Variants in DLG2 observed in about 807,000 individuals in gnomAD.
DLG2 encodes the protein disks large homolog 2.
A neutral mutation model predicts 132.5 loss-of-function variants in DLG2; 45 were observed. The observed-to-expected ratio is 0.34, with a 90% CI of 0.27 to 0.44. The LOEUF is 0.44. Among genes scored for constraint, DLG2 ranks in the 20% least tolerant of loss-of-function variants. The probability of loss-of-function intolerance (pLI) is 1.00; values close to 1 mark genes in which losing one functional copy is unlikely to be tolerated. For synonymous variants in DLG2, 424 were observed against 419.6 expected, an observed-to-expected ratio of 1.01 and a Z score of -0.13; for missense variants, 1,045 against 1,196.9, an observed-to-expected ratio of 0.87 and a Z score of 1.87.
rs138427572 is a variant in DLG2 at position 83,697,861 on chromosome 11, T to C, written c.1826-64536A>G. Reference sequence around the variant, plus strand: ...TATTGAGATACCAGCTGGTAAGAATTATGACATTTACTTTAAAATCTTTGG... The same window carrying C: ...TATTGAGATACCAGCTGGTAAGAATCATGACATTTACTTTAAAATCTTTGG... On this transcript the variant is annotated intron_variant, in intron 18 of 27. Coordinates refer to ENST00000376104, the MANE Select transcript of DLG2 (RefSeq NM_001142699.3). Among the ~76,000 whole-genome samples, 645 of 152,318 alleles carry C rather than the reference T, an allele frequency of 4.2e-3. 4 individuals carry two copies. Among genetic ancestry groups the C allele is most frequent in the African/African-American group, 0.013 (535 of 41,582 alleles).
chr11:84,166,964 T>C (rs1321803787), intron 8 of DLG2: 5 of 533,318 alleles, frequency 9.4e-6, no homozygotes, highest in African/African-American at 5.8e-5. Flanking sequence ...ACCTTGGTCA[T>C]ATTTTATGCT....
chr11:85,546,173 A>C (rs2076311592), intron 3 of DLG2, among the ~76,000 whole-genome samples: 1 of 152,172 alleles, frequency 6.6e-6, no homozygotes, highest in South Asian at 2.1e-4. Flanking sequence ...TGTGTCCCAG[A>C]GATTCTGCTA....
chr11:83,692,147 C>G (rs532642051), intron 18 of DLG2: 1 of 152,208 alleles, frequency 6.6e-6, no homozygotes, highest in Non-Finnish European at 1.5e-5. Context: ...AGTAAAGGAG[C>G]CTGTTATAAA....
At chr11:84,898,113 T>C (rs558729974) in intron 6 of DLG2, among the ~76,000 whole-genome samples, 1 of 151,944 alleles carries the variant, frequency 6.6e-6, no homozygotes, top group Admixed American at 6.6e-5. Context: ...ACAATAAAAA[T>C]GGTCACTTTA....
At chr11:85,425,154 T>G (rs2090616389) in intron 3 of DLG2, among the ~76,000 whole-genome samples, 1 of 152,322 alleles carries the variant, frequency 6.6e-6, no homozygotes, top group East Asian at 1.9e-4. Flanking sequence ...CCAGGTCTTC[T>G]GATAGATGTT....
intron 6 of DLG2, among the ~76,000 whole-genome samples, chr11:84,602,698 G>C (rs1164576987): frequency 1.3e-5 from 2 of 151,872 alleles, no homozygotes; most frequent in Admixed American, 6.6e-5. Context: ...TGATCACCTT[G>C]GGGCTCTGGA....
intron 5 of DLG2, among the ~76,000 whole-genome samples, chr11:85,139,124 C>T (rs1214913563): frequency 6.6e-6 from 1 of 152,116 alleles, no homozygotes; most frequent in Non-Finnish European, 1.5e-5. Flanking sequence ...TTCTCCATTA[C>T]ATCATCCCAG....
At chr11:83,857,875 A>G (rs765652727) in intron 16 of DLG2, among the ~76,000 whole-genome samples, 1 of 152,136 alleles carries the variant, frequency 6.6e-6, no homozygotes, top group Non-Finnish European at 1.5e-5. Flanking sequence ...TCTATTAAAA[A>G]GTGGTTAATG....
At chr11:84,673,933 T>C (rs1024826382) in intron 6 of DLG2, among the ~76,000 whole-genome samples, 1 of 152,144 alleles carries the variant, frequency 6.6e-6, no homozygotes, top group Non-Finnish European at 1.5e-5. Flanking sequence ...GTCTTCTGAA[T>C]AGGAGTAACA....
chr11:85,335,144 G>A (rs139860606), intron 3 of DLG2, among the ~76,000 whole-genome samples: 80 of 152,026 alleles, frequency 5.3e-4, no homozygotes, highest in South Asian at 2.1e-3. Context: ...AAGTCTTCTC[G>A]TTGAATTGAA....
chr11:83,910,979 G>T (rs1348697161), intron 15 of DLG2, among the ~76,000 whole-genome samples: 1 of 152,092 alleles, frequency 6.6e-6, no homozygotes, highest in Non-Finnish European at 1.5e-5. Context: ...TGAATGATTT[G>T]CCGATTACAC....
chr11:84,854,628 A>T (rs1190644197), intron 6 of DLG2, among the ~76,000 whole-genome samples: 2 of 152,022 alleles, frequency 1.3e-5, no homozygotes, highest in Non-Finnish European at 2.9e-5. Context: ...GGGGAATTCC[A>T]GTGAGAGCCA....
chr11:85,089,127 T>A (rs1161592424), intron 6 of DLG2, among the ~76,000 whole-genome samples: 1 of 152,210 alleles, frequency 6.6e-6, no homozygotes, highest in Admixed American at 6.5e-5. Flanking sequence ...CTTCTAATTT[T>A]TTTTTTCAAT....
At chr11:83,790,408 T>A (rs2041217326) in intron 17 of DLG2, 2 of 1,013,754 alleles carry the variant, frequency 2.0e-6, no homozygotes, top group Non-Finnish European at 3.1e-6. Context: ...CCTCCCAACA[T>A]GTGATTGGTC....
At chr11:84,223,074 T>C (rs1172191145) in intron 8 of DLG2, among the ~76,000 whole-genome samples, 1 of 152,190 alleles carries the variant, frequency 6.6e-6, no homozygotes, top group African/African-American at 2.4e-5. Context: ...GTAGGATCTA[T>C]TATTGTTCAG....
intron 6 of DLG2, among the ~76,000 whole-genome samples, chr11:84,903,917 A>C (rs991539991): frequency 3.9e-5 from 6 of 152,180 alleles, no homozygotes; most frequent in African/African-American, 1.4e-4. Context: ...TTTTACAGAT[A>C]AATGAAAAAA....
intron 7 of DLG2, among the ~76,000 whole-genome samples, chr11:84,313,127 C>A (rs2098308484): frequency 6.8e-6 from 1 of 146,456 alleles, no homozygotes; most frequent in African/African-American, 2.5e-5. Flanking sequence ...TCTTTTTTTT[C>A]TTTTTTGAGA....
intron 9 of DLG2, among the ~76,000 whole-genome samples, chr11:84,131,249 G>C (rs1439007703): frequency 2.0e-5 from 3 of 152,016 alleles, no homozygotes; most frequent in Non-Finnish European, 4.4e-5. Context: ...AGGGAAGACA[G>C]GTCAGTGAAG....
At chr11:84,582,631 A>G (rs1270666620) in intron 6 of DLG2, among the ~76,000 whole-genome samples, 1 of 151,872 alleles carries the variant, frequency 6.6e-6, no homozygotes, top group African/African-American at 2.4e-5. Flanking sequence ...GGACAGTTAT[A>G]GACATAAAAT....
Sources: allele counts gnomAD v4.1 joint callset (sites outside exome capture counted in the v4.1 genomes callset), GRCh38; gene constraint gnomAD v4.1.1; transcripts MANE v1.5; gene names NCBI Gene and HGNC (gene_info 2026-07-23, HGNC 2026-07-21).